The following ASRGL1 variants were observed in gnomAD, a reference collection of about 807,000 sequenced individuals.
ASRGL1 encodes asparaginase and isoaspartyl peptidase 1.
ASRGL1 carries 16 observed loss-of-function variants against 22.4 expected under a neutral mutation model. That is an observed-to-expected ratio of 0.71 (90% CI 0.48 to 1.08). The LOEUF (loss-of-function observed/expected upper bound fraction) is 1.08, where lower values mean the gene tolerates loss of function less well. Among genes scored for constraint, ASRGL1 ranks in the 50% least tolerant of loss-of-function variants. The pLI, the probability that ASRGL1 is intolerant of heterozygous loss-of-function variation, is 0.00. For missense variants in ASRGL1, 412 were observed against 410.1 expected (o/e 1.00, Z -0.04); for synonymous variants, 165 against 159.3 (o/e 1.04, Z -0.27).
chr11:62,391,998 G>A, intron 6 of ASRGL1, 81 bp from the exon 7 acceptor site: 1 of 1,496,428 alleles, frequency 6.7e-7, no homozygotes, highest in Non-Finnish European at 9.3e-7. Context: ...AGCTCACTTT[G>A]GCATTTCAAA....
intron 4 of ASRGL1, among the ~76,000 whole-genome samples, chr11:62,359,400 C>T (rs1481394786): frequency 6.6e-6 from 1 of 151,726 alleles, no homozygotes; most frequent in African/African-American, 2.4e-5. Flanking sequence ...GAGCCAAGAT[C>T]GCGCCATTGC....
At chr11:62,376,136 G>A (rs1236248551) in intron 4 of ASRGL1, among the ~76,000 whole-genome samples, 2 of 135,070 alleles carry the variant, frequency 1.5e-5, no homozygotes, top group Non-Finnish European at 3.2e-5. Flanking sequence ...GCTACAAGCA[G>A]CCTACTCTCT....
chr11:62,399,625 T>G, the ASRGL1 span, among the ~76,000 whole-genome samples: 1 of 152,086 alleles, frequency 6.6e-6, no homozygotes, highest in Non-Finnish European at 1.5e-5. Context: ...TGCAGCGGGC[T>G]CAGATGGGGA....
At chr11:62,355,471 G>T (rs1324908113) in intron 2 of ASRGL1, among the ~76,000 whole-genome samples, 1 of 151,876 alleles carries the variant, frequency 6.6e-6, no homozygotes, top group South Asian at 2.1e-4. Context: ...TGATCTGCCC[G>T]CCTCGGCCTC....
At chr11:62,390,063 C>G (rs376881553) in intron 5 of ASRGL1, among the ~76,000 whole-genome samples, 38 of 152,322 alleles carry the variant, frequency 2.5e-4, no homozygotes, top group African/African-American at 9.1e-4. Flanking sequence ...TTGGTAACTC[C>G]TCTTCTCCTT....
intron 4 of ASRGL1, among the ~76,000 whole-genome samples, chr11:62,362,629 A>ATATATATATAATATAT (rs57111774): frequency 2.0e-5 from 1 of 50,064 alleles, no homozygotes; most frequent in Non-Finnish European, 3.3e-5. Context: ...ATATTATATA[A>ATATATATATAATATAT]AATATATATA....
intron 2 of ASRGL1, chr11:62,338,416 G>A: frequency 2.3e-6 from 1 of 434,442 alleles, no homozygotes; most frequent in Non-Finnish European, 4.0e-6. Flanking sequence ...GAAATCCTGA[G>A]AATGTGTGCT....
intron 4 of ASRGL1, among the ~76,000 whole-genome samples, chr11:62,378,608 A>G (rs1398073122): frequency 3.9e-5 from 6 of 152,124 alleles, no homozygotes; most frequent in Admixed American, 3.9e-4. Context: ...AGAGAGGGCA[A>G]CCCGGGTTGG....
At chr11:62,370,106 AT>A (rs146015033) in intron 4 of ASRGL1, among the ~76,000 whole-genome samples, 22,447 of 152,088 alleles carry the variant, frequency 0.15, 2,156 homozygotes, top group African/African-American at 0.27. Flanking sequence ...GTAAAATTGA[AT>A]TTTTTGGCTC....
chr11:62,359,375 G>A (rs532099320), intron 4 of ASRGL1, among the ~76,000 whole-genome samples: 24 of 152,142 alleles, frequency 1.6e-4, no homozygotes, highest in African/African-American at 5.1e-4. Context: ...GAACCCAGGA[G>A]GCAGAGGTTG....
intron 4 of ASRGL1, among the ~76,000 whole-genome samples, chr11:62,359,327 T>C (rs1260729061): frequency 6.6e-6 from 1 of 152,024 alleles, no homozygotes; most frequent in Non-Finnish European, 1.5e-5. Flanking sequence ...GCACCTGTAA[T>C]CCCAGCTACT....
At chr11:62,400,532 A>G in the ASRGL1 span, among the ~76,000 whole-genome samples, 21,505 of 152,182 alleles carry the variant, frequency 0.14, 3,723 homozygotes, top group African/African-American at 0.42. Flanking sequence ...TTTCTGTGCA[A>G]GGCTTGGGCA....
intron 4 of ASRGL1, chr11:62,373,044 A>C: frequency 7.2e-7 from 1 of 1,387,070 alleles, no homozygotes; most frequent in South Asian, 1.2e-5. Context: ...GGAGGTGAAG[A>C]CTCTGCATGG....
At chr11:62,346,524 C>T (rs1946026987) in intron 2 of ASRGL1, among the ~76,000 whole-genome samples, 1 of 152,148 alleles carries the variant, frequency 6.6e-6, no homozygotes, top group African/African-American at 2.4e-5. Context: ...TCATGAAGCC[C>T]CTGATTCTGT....
chr11:62,372,993 G>A (rs142810084), intron 4 of ASRGL1: 58,903 of 1,408,126 alleles, frequency 0.042, 1,516 homozygotes, highest in Middle Eastern at 0.06. Context: ...TGGGGAACTG[G>A]GCTACAGGGA....
intron 4 of ASRGL1, among the ~76,000 whole-genome samples, chr11:62,359,738 G>A (rs1479991967): frequency 2.0e-5 from 3 of 151,974 alleles, no homozygotes; most frequent in African/African-American, 7.2e-5. Context: ...AGCTCCTGTA[G>A]TTGCTAACTC....
At chr11:62,350,604 T>G (rs1310449114) in intron 2 of ASRGL1, among the ~76,000 whole-genome samples, 1 of 152,162 alleles carries the variant, frequency 6.6e-6, no homozygotes, top group Non-Finnish European at 1.5e-5. Flanking sequence ...AAAACCAGCC[T>G]GGCCAACATG....
At chr11:62,373,233 C>T (rs751951082) in intron 4 of ASRGL1, 3 of 827,880 alleles carry the variant, frequency 3.6e-6, no homozygotes, top group Non-Finnish European at 6.3e-6. Context: ...TTTCCATGTG[C>T]ACTGGGACGG....
At chr11:62,369,158 C>G (rs528928033) in intron 4 of ASRGL1, among the ~76,000 whole-genome samples, 1 of 152,136 alleles carries the variant, frequency 6.6e-6, no homozygotes, top group Admixed American at 6.5e-5. Context: ...CTGTGGCTTT[C>G]CGCAGTGTAT....
Sources: allele counts gnomAD v4.1 joint callset (sites outside exome capture counted in the v4.1 genomes callset), GRCh38; gene constraint gnomAD v4.1.1; transcripts MANE v1.5; gene names NCBI Gene and HGNC (gene_info 2026-07-23, HGNC 2026-07-21).